The following SLA variants were observed in gnomAD, a reference collection of about 807,000 sequenced individuals.
SLA encodes the protein Src like adaptor.
A neutral mutation model predicts 30.3 loss-of-function variants in SLA; 16 were observed. That is an observed-to-expected ratio of 0.53 (90% CI 0.36 to 0.80). The LOEUF (loss-of-function observed/expected upper bound fraction) is 0.80, where lower values mean the gene tolerates loss of function less well. Among genes scored for constraint, SLA ranks in the 30% least tolerant of loss-of-function variants. The probability of loss-of-function intolerance (pLI) is 0.01; values close to 1 mark genes in which losing one functional copy is unlikely to be tolerated. For missense variants in SLA, 310 were observed against 345.2 expected (o/e 0.90, Z 0.81); for synonymous variants, 143 against 137.8 (o/e 1.04, Z -0.26).
intron 1 of SLA, among the ~76,000 whole-genome samples, chr8:133,101,183 A>G (rs547994134): frequency 1.3e-5 from 2 of 152,272 alleles, no homozygotes; most frequent in Non-Finnish European, 2.9e-5. Context: ...ATACGCAAGC[A>G]TCACCTAGAG....
intron 1 of SLA, among the ~76,000 whole-genome samples, chr8:133,077,831 ATC>A (rs1248991001): frequency 5.3e-5 from 8 of 151,794 alleles, no homozygotes; most frequent in Admixed American, 3.9e-4. Context: ...GTGCCACAGC[ATC>A]TCTGGACCTG....
rs937472513 is a variant in SLA, at chr8:133,069,091, AAT to A, written c.-41+5760_-41+5761del. Reference sequence around the variant, plus strand: ...AAACAGGCCTTTTCTTTTCATTTCAAATGTGGATACTTGAGAAAGGCAGGTTT... The same window carrying A: ...AAACAGGCCTTTTCTTTTCATTTCAAGTGGATACTTGAGAAAGGCAGGTTT... On this transcript the variant is annotated intron_variant, in intron 2 of 8. Coordinates refer to ENST00000338087, the MANE Select transcript of SLA (RefSeq NM_001045556.3). Among the ~76,000 whole-genome samples the A allele has an allele frequency of 4.1e-4, 62 of 152,248 alleles. 1 individual carries two copies. The highest frequency in any genetic ancestry group is 1.5e-5 in the Non-Finnish European group (1 of 68,040).
chr8:133,067,898 GGAAGGAAGGAAGGAAGGAA>G (rs1843307155), intron 2 of SLA, among the ~76,000 whole-genome samples: 1 of 54,344 alleles, frequency 1.8e-5, no homozygotes, highest in Non-Finnish European at 5.1e-5. Flanking sequence ...ATGTATGGAA[GGAAGGAAGGAAGGAAGGAA>G]AGAGAGAGAG....
chr8:133,080,904 TC>T (rs971474692), intron 1 of SLA, among the ~76,000 whole-genome samples: 1 of 152,222 alleles, frequency 6.6e-6, no homozygotes, highest in African/African-American at 2.4e-5. Context: ...TAGATGCCTC[TC>T]AACCAACAAT....
chr8:133,099,160 A>T (rs1457707738), intron 1 of SLA, among the ~76,000 whole-genome samples: 2 of 152,164 alleles, frequency 1.3e-5, no homozygotes, highest in Non-Finnish European at 2.9e-5. Context: ...CCAAATAGAG[A>T]AGCCTCTCTA....
At chr8:133,069,996 A>G (rs1479888049) in intron 2 of SLA, among the ~76,000 whole-genome samples, 1 of 108,360 alleles carries the variant, frequency 9.2e-6, no homozygotes, top group East Asian at 3.1e-4. Flanking sequence ...GCAAGGCTCC[A>G]GCTCCAAAAA....
chr8:133,094,871 G>T, intron 1 of SLA: 2 of 817,378 alleles, frequency 2.4e-6, no homozygotes, highest in Non-Finnish European at 4.1e-6. Context: ...ACTGCATGCT[G>T]ATATGCTGTT....
chr8:133,083,352 CAT>C (rs536047308), intron 1 of SLA, among the ~76,000 whole-genome samples: 71 of 152,298 alleles, frequency 4.7e-4, no homozygotes, highest in African/African-American at 1.6e-3. Context: ...AAACTTGAAA[CAT>C]GTATGCACTT....
rs111686161 is a variant in SLA at position 133,038,783 on chromosome 8, G to T, written c.618-46C>A. ...CAGTAGAGAAAGGGAAAAAAAGAGA[G>T]TCATAGAGAGAGGAGGAGATAAAGG... On this transcript the variant is annotated intron_variant, in intron 8 of 8. Coordinates refer to ENST00000338087, the MANE Select transcript of SLA (RefSeq NM_001045556.3). 168 of 1,355,218 alleles carry T rather than the reference G, an allele frequency of 1.2e-4. 1 individual carries two copies. The African/African-American group carries it at 2.0e-3, about 16-fold the overall frequency. 83.9% of individuals were successfully genotyped at this position (1,355,218 alleles called of 1,614,324 possible). A position where few individuals can be genotyped will look rare whatever the true frequency, so the allele number is the denominator to read the frequency against.
intron 7 of SLA, among the ~76,000 whole-genome samples, chr8:133,040,770 G>A (rs1302009078): frequency 6.6e-6 from 1 of 152,086 alleles, no homozygotes; most frequent in African/African-American, 2.4e-5. Flanking sequence ...GGTGAAAATA[G>A]CACAAAAAGT....
chr8:133,039,158 C>T (rs1032820808), intron 8 of SLA, among the ~76,000 whole-genome samples: 2 of 152,176 alleles, frequency 1.3e-5, no homozygotes, highest in African/African-American at 2.4e-5. Flanking sequence ...GGGTTACAGG[C>T]GTGAGCCACC....
chr8:133,086,202 AG>A (rs1477448077), intron 1 of SLA, among the ~76,000 whole-genome samples: 2 of 152,200 alleles, frequency 1.3e-5, no homozygotes, highest in Non-Finnish European at 2.9e-5. Flanking sequence ...GCTGGGAGTG[AG>A]GGTGGAGAAT....
intron 2 of SLA, among the ~76,000 whole-genome samples, chr8:133,070,189 C>T (rs1465817119): frequency 6.6e-6 from 1 of 151,936 alleles, no homozygotes. Flanking sequence ...GTAAATACTC[C>T]CACCATGCTG....
chr8:133,058,532 G>A (rs140801314), intron 3 of SLA, among the ~76,000 whole-genome samples: 1 of 152,358 alleles, frequency 6.6e-6, no homozygotes, highest in East Asian at 1.9e-4. Flanking sequence ...GAGAGGTGAC[G>A]ACCCAAGATG....
At chr8:133,094,170 C>T (rs769638231) in intron 1 of SLA, among the ~76,000 whole-genome samples, 9 of 152,066 alleles carry the variant, frequency 5.9e-5, no homozygotes, top group East Asian at 1.9e-4. Flanking sequence ...ACCAAAAGTC[C>T]GGGCAGAGAT....
chr8:133,074,968 G>GC lies in SLA; in HGVS notation c.-157dup. ...TGCTCCAGAATAAACAGGCAGCCGG[G>GC]CTTCTCGCGGTTGTGGAGAAGCAGC... On this transcript the variant is annotated 5_prime_UTR_variant, in exon 2 of 9. An upstream open reading frame in the 5' UTR loses its in-frame stop. Transcript: ENST00000338087. The GC allele has an allele frequency of 1.0e-6, 1 of 985,510 alleles. No homozygotes were observed. The highest frequency in any genetic ancestry group is 1.2e-6 in the Non-Finnish European group (1 of 829,988). The allele number at this position is 985,510 out of a possible 1,614,324, so 61.0% of individuals were successfully genotyped here.
In SLA at chr8:133,067,905, AG is replaced by A. The variant is rs1206739455; in HGVS notation, c.-41+6947del. On this transcript the variant is annotated intron_variant, in intron 2 of 8. Coordinates refer to ENST00000338087, the MANE Select transcript of SLA (RefSeq NM_001045556.3). ...AAGGAAGTATGTATGGAAGGAAGGA[AG>A]GAAGGAAGGAAAGAGAGAGAGAGAG... 9.9e-3 allele frequency among the ~76,000 whole-genome samples: 548 copies of A among 55,452 alleles called. 6 individuals carry two copies. Among genetic ancestry groups the A allele is most frequent in the African/African-American group, 0.011 (209 of 19,598 alleles). 36.4% of individuals were successfully genotyped at this position (55,452 alleles called of 152,430 possible). A position where few individuals can be genotyped will look rare whatever the true frequency, so the allele number is the denominator to read the frequency against.
chr8:133,087,403 C>G (rs1383288549), intron 1 of SLA, among the ~76,000 whole-genome samples: 2 of 152,180 alleles, frequency 1.3e-5, no homozygotes, highest in Non-Finnish European at 1.5e-5. Flanking sequence ...TGCTGGACCT[C>G]TTATCTCAGC....
chr8:133,039,500 C>T (rs1415104598), intron 8 of SLA, among the ~76,000 whole-genome samples: 3 of 152,154 alleles, frequency 2.0e-5, no homozygotes, highest in African/African-American at 4.8e-5. Context: ...CAATCCCAAA[C>T]TACAGATATC....
Sources: gnomAD v4.1 joint callset for allele counts (sites outside exome capture counted in the v4.1 genomes callset) on GRCh38, gnomAD v4.1.1 for gene constraint, MANE v1.5 for transcripts, NCBI Gene and HGNC (gene_info 2026-07-23, HGNC 2026-07-21) for gene names.